C12orf42: variants seen among roughly 807,000 people sequenced by gnomAD.
C12orf42 encodes the protein uncharacterized protein C12orf42.
Under a neutral mutation model 21.6 loss-of-function variants are expected in C12orf42, and 25 were observed. The ratio of observed to expected loss-of-function variants is 1.16; its 90% CI spans 0.84 to 1.62. C12orf42 has a LOEUF of 1.62. C12orf42 is among the 40% of genes most tolerant of loss of function. The pLI is 0.00. For synonymous variants in C12orf42, 174 were observed against 175.0 expected (o/e 0.99, Z 0.05); for missense variants, 483 against 459.3 (o/e 1.05, Z -0.47).
chr12:103,431,660 G>A (rs1022677193), intron 2 of C12orf42, among the ~76,000 whole-genome samples: 7 of 152,152 alleles, frequency 4.6e-5, no homozygotes, highest in Admixed American at 2.0e-4. Flanking sequence ...CCCACAATAA[G>A]TGCTTAAGAA....
intron 2 of C12orf42, among the ~76,000 whole-genome samples, chr12:103,417,477 C>T (rs1412190220): frequency 6.6e-6 from 1 of 152,184 alleles, no homozygotes; most frequent in East Asian, 1.9e-4. Flanking sequence ...TCAGCCTTAG[C>T]CTCCATATTC....
At chr12:103,368,412 A>C (rs1299089282) in intron 4 of C12orf42, among the ~76,000 whole-genome samples, 3 of 151,918 alleles carry the variant, frequency 2.0e-5, no homozygotes, top group Non-Finnish European at 2.9e-5. Flanking sequence ...CAAGTAGCAA[A>C]TGTTGACTGG....
intron 2 of C12orf42, among the ~76,000 whole-genome samples, chr12:103,443,452 G>T (rs1446447872): frequency 2.6e-5 from 4 of 152,088 alleles, no homozygotes; most frequent in Non-Finnish European, 5.9e-5. Context: ...GGGTGGCAGA[G>T]ATGAGATTAA....
the C12orf42 span, among the ~76,000 whole-genome samples, chr12:103,537,100 A>G: frequency 1.3e-5 from 2 of 152,268 alleles, no homozygotes; most frequent in Non-Finnish European, 2.9e-5. Flanking sequence ...GAATGAATGA[A>G]TGAATGAATG....
chr12:103,083,071 T>TA, the C12orf42 span, among the ~76,000 whole-genome samples: 1 of 151,958 alleles, frequency 6.6e-6, no homozygotes, highest in Non-Finnish European at 1.5e-5. Context: ...GACCTTAAAG[T>TA]AAAAAATATA....
At chr12:103,497,631 C>T (rs1955598115), upstream of C12orf42, among the ~76,000 whole-genome samples, 1 of 152,182 alleles carries the variant, frequency 6.6e-6, no homozygotes, top group African/African-American at 2.4e-5. Context: ...GAGAACTCTT[C>T]ATCAATTTCA....
the C12orf42 span, among the ~76,000 whole-genome samples, chr12:103,209,220 C>A: frequency 6.6e-6 from 1 of 152,058 alleles, no homozygotes; most frequent in Admixed American, 6.6e-5. Flanking sequence ...AATGATGTAA[C>A]TTAAATAATG....
the C12orf42 span, among the ~76,000 whole-genome samples, chr12:103,224,586 C>A: frequency 2.0e-5 from 3 of 152,164 alleles, no homozygotes; most frequent in Non-Finnish European, 4.4e-5. Flanking sequence ...GGGCCAGGAA[C>A]AATGGTAATT....
the C12orf42 span, among the ~76,000 whole-genome samples, chr12:103,206,643 G>C: frequency 6.6e-6 from 1 of 152,208 alleles, no homozygotes; most frequent in Non-Finnish European, 1.5e-5. Context: ...GCCCAAGCTA[G>C]AGTACAGTGG....
the C12orf42 span, among the ~76,000 whole-genome samples, chr12:103,143,213 G>C: frequency 6.6e-6 from 1 of 152,288 alleles, no homozygotes; most frequent in South Asian, 2.1e-4. Context: ...TCTTTTCTAA[G>C]CCAGCGACAG....
intron 2 of C12orf42, among the ~76,000 whole-genome samples, chr12:103,473,288 T>A (rs1953770795): frequency 6.6e-6 from 1 of 152,222 alleles, no homozygotes; most frequent in East Asian, 1.9e-4. Flanking sequence ...CATGTAATCC[T>A]TAAGATTAGT....
chr12:103,319,429 A>G (rs1198645947), intron 4 of C12orf42, among the ~76,000 whole-genome samples: 1 of 149,540 alleles, frequency 6.7e-6, no homozygotes, highest in Non-Finnish European at 1.5e-5. Flanking sequence ...TGAAGGGATC[A>G]CCAGAGATCT....
the C12orf42 span, among the ~76,000 whole-genome samples, chr12:103,229,123 T>A: frequency 3.1e-4 from 47 of 152,350 alleles, no homozygotes; most frequent in Non-Finnish European, 1.6e-4. Flanking sequence ...CCTCTTCTTC[T>A]TTCTCACTGG....
At chr12:103,556,412 C>A in the C12orf42 span, among the ~76,000 whole-genome samples, 104 of 152,282 alleles carry the variant, frequency 6.8e-4, no homozygotes, top group African/African-American at 2.4e-3. Flanking sequence ...AATATCAAGG[C>A]AATAACTCAA....
the C12orf42 span, among the ~76,000 whole-genome samples, chr12:103,226,890 T>C: frequency 3.3e-5 from 5 of 152,168 alleles, no homozygotes; most frequent in Non-Finnish European, 7.3e-5. Context: ...AAGGGACTGA[T>C]GTGTAAAAGA....
the C12orf42 span, among the ~76,000 whole-genome samples, chr12:103,520,087 G>T: frequency 2.6e-5 from 4 of 152,198 alleles, no homozygotes; most frequent in Non-Finnish European, 5.9e-5. Flanking sequence ...CGTGGAGGGT[G>T]AGCAGTGAAT....
At chr12:103,416,780 T>C (rs1377173627) in intron 2 of C12orf42, among the ~76,000 whole-genome samples, 1 of 152,172 alleles carries the variant, frequency 6.6e-6, no homozygotes, top group Non-Finnish European at 1.5e-5. Context: ...TCAATGACCT[T>C]GAGAACTGAC....
the C12orf42 span, among the ~76,000 whole-genome samples, chr12:103,204,723 C>G: frequency 6.6e-6 from 1 of 152,054 alleles, no homozygotes; most frequent in African/African-American, 2.4e-5. Flanking sequence ...ATCCAAACTA[C>G]TTATGCAAAC....
chr12:103,470,618 T>G (rs534168189), intron 2 of C12orf42, among the ~76,000 whole-genome samples: 1 of 152,316 alleles, frequency 6.6e-6, no homozygotes, highest in African/African-American at 2.4e-5. Flanking sequence ...CTTTGACCAA[T>G]AGAGTATGGA....
Sources: allele counts gnomAD v4.1 joint callset (sites outside exome capture counted in the v4.1 genomes callset), GRCh38; gene constraint gnomAD v4.1.1; transcripts MANE v1.5; gene names NCBI Gene and HGNC (gene_info 2026-07-23, HGNC 2026-07-21).